The following STXBP5L variants were observed in gnomAD, a reference collection of about 807,000 sequenced individuals.
STXBP5L encodes syntaxin binding protein 5L.
In STXBP5L, 65 loss-of-function variants were observed where a neutral mutation model predicts 144.5. The observed-to-expected ratio is 0.45, with a 90% CI of 0.37 to 0.55. The LOEUF (loss-of-function observed/expected upper bound fraction) is 0.55, where lower values mean the gene tolerates loss of function less well. Among genes scored for constraint, STXBP5L ranks in the 20% least tolerant of loss-of-function variants. The pLI is 0.00. For missense variants in STXBP5L, 1,298 were observed against 1,405.5 expected, an observed-to-expected ratio of 0.92 and a Z score of 1.22; for synonymous variants, 505 against 469.6, an observed-to-expected ratio of 1.08 and a Z score of -0.97.
intron 22 of STXBP5L, among the ~76,000 whole-genome samples, chr3:121,391,862 G>A (rs993102545): frequency 6.6e-6 from 1 of 152,238 alleles, no homozygotes; most frequent in Non-Finnish European, 1.5e-5. Flanking sequence ...ATGGGGTTCA[G>A]GGACCCACTT....
At chr3:121,017,724 T>C (rs1945239833) in intron 3 of STXBP5L, among the ~76,000 whole-genome samples, 1 of 152,144 alleles carries the variant, frequency 6.6e-6, no homozygotes, top group Admixed American at 6.5e-5. Context: ...ACAAAATACA[T>C]GTAAGATCTA....
intron 9 of STXBP5L, among the ~76,000 whole-genome samples, chr3:121,159,974 G>T (rs1385005284): frequency 6.6e-6 from 1 of 152,028 alleles, no homozygotes; most frequent in Admixed American, 6.6e-5. Context: ...TTGAAATTGT[G>T]TTTTTCATTT....
chr3:121,367,595 G>GTTTTTTTT lies in STXBP5L; in HGVS notation c.2177-11101_2177-11094dup, dbSNP rs57288480. Among the ~76,000 whole-genome samples, 23 of 51,360 alleles carry GTTTTTTTT rather than the reference G, an allele frequency of 4.5e-4. 1 individual carries two copies. Among genetic ancestry groups the GTTTTTTTT allele is most frequent in the African/African-American group, 1.7e-3 (22 of 12,802 alleles). The allele number at this position is 51,360 out of a possible 152,430, so 33.7% of individuals were successfully genotyped here. ...GGTTCTCTCTTTGTCTTCGACTCTTGTTTTTTTTTTTTTTTTTTTTTTTTT... is the reference window on the plus strand; with the variant it reads ...GGTTCTCTCTTTGTCTTCGACTCTTGTTTTTTTTTTTTTTTTTTTTTTTTTTTTTTTTT... On this transcript the variant is annotated intron_variant, in intron 20 of 26. Coordinates refer to ENST00000471454, the MANE Select transcript of STXBP5L (RefSeq NM_001308330.2).
At chr3:121,343,973 G>A (rs1375663485) in intron 20 of STXBP5L, among the ~76,000 whole-genome samples, 5 of 152,132 alleles carry the variant, frequency 3.3e-5, no homozygotes, top group African/African-American at 9.7e-5. Flanking sequence ...AAAGCTGGAG[G>A]CATCAAGCTA....
intron 5 of STXBP5L, among the ~76,000 whole-genome samples, chr3:121,113,040 A>G (rs1023496414): frequency 6.6e-5 from 10 of 152,194 alleles, no homozygotes; most frequent in African/African-American, 2.4e-4. Flanking sequence ...GACATTGAAT[A>G]TAAGGTGAAA....
intron 11 of STXBP5L, among the ~76,000 whole-genome samples, chr3:121,231,160 AC>A (rs1247141921): frequency 6.6e-6 from 1 of 152,172 alleles, no homozygotes. Flanking sequence ...TCAAGAGTGT[AC>A]GGCCATTTTG....
chr3:121,180,992 A>G (rs997364894), intron 9 of STXBP5L, among the ~76,000 whole-genome samples: 1 of 151,162 alleles, frequency 6.6e-6, no homozygotes. Context: ...GGAGAAGGAA[A>G]GGAAGAAAGG....
At chr3:121,400,148 A>C (rs904659697) in intron 22 of STXBP5L, among the ~76,000 whole-genome samples, 2 of 152,200 alleles carry the variant, frequency 1.3e-5, no homozygotes, top group African/African-American at 4.8e-5. Flanking sequence ...ATGCTTTGTA[A>C]GTAAAGACCA....
chr3:121,341,561 G>C (rs1282588898), intron 20 of STXBP5L, among the ~76,000 whole-genome samples: 1 of 151,864 alleles, frequency 6.6e-6, no homozygotes, highest in Non-Finnish European at 1.5e-5. Context: ...AGAGATATCT[G>C]CACTCCCATA....
intron 2 of STXBP5L, among the ~76,000 whole-genome samples, chr3:120,944,924 T>TA (rs1710768805): frequency 6.6e-6 from 1 of 151,762 alleles, no homozygotes; most frequent in African/African-American, 2.4e-5. Flanking sequence ...CACATAATCC[T>TA]AAAAAACTCA....
At chr3:121,031,208 G>T (rs556126167) in intron 3 of STXBP5L, among the ~76,000 whole-genome samples, 2 of 152,174 alleles carry the variant, frequency 1.3e-5, no homozygotes, top group Admixed American at 6.6e-5. Context: ...GGCATTATGA[G>T]ATTTTCATTG....
At chr3:120,996,024 G>T (rs919213633) in intron 3 of STXBP5L, among the ~76,000 whole-genome samples, 2 of 151,880 alleles carry the variant, frequency 1.3e-5, no homozygotes, top group Non-Finnish European at 2.9e-5. Context: ...TTTTTTCTGG[G>T]TGTAGAATAC....
chr3:121,060,763 G>A (rs546662535), intron 5 of STXBP5L, among the ~76,000 whole-genome samples: 4 of 152,140 alleles, frequency 2.6e-5, no homozygotes, highest in Non-Finnish European at 5.9e-5. Context: ...TTTCCATAGA[G>A]GTGTTTATAG....
At chr3:120,950,955 A>G (rs1362526817) in intron 2 of STXBP5L, among the ~76,000 whole-genome samples, 1 of 152,120 alleles carries the variant, frequency 6.6e-6, no homozygotes, top group Non-Finnish European at 1.5e-5. Flanking sequence ...ACCAAAACAG[A>G]TATAGATCAA....
In STXBP5L at chr3:121,407,439, C is replaced by A. The variant is rs1167723950; in HGVS notation, c.2784C>A (p.Ile928=). The change falls in exon 23 of 27, where the codon ATC becomes ATA. Residue 928 remains isoleucine (I), a synonymous_variant. Coordinates refer to ENST00000471454, the MANE Select transcript of STXBP5L (RefSeq NM_001308330.2). The stretch of plus-strand genomic sequence containing the variant: ...TAGGAGATCATCAGTATACAATAAT[C>A]TGCTCAGAAAAACAAGCCAAAGTCT... ...QEIGDHQYTI[I]CSEKQAKVFS... 1.2e-6 allele frequency: 2 copies of A among 1,613,330 alleles called. No individual in the cohort carries two copies. Among genetic ancestry groups the A allele is most frequent in the African/African-American group, 2.7e-5 (2 of 75,008 alleles).
intron 5 of STXBP5L, among the ~76,000 whole-genome samples, chr3:121,086,964 T>A (rs2042527446): frequency 6.6e-6 from 1 of 152,082 alleles, no homozygotes; most frequent in East Asian, 1.9e-4. Context: ...GGAAGTGTTT[T>A]TCTTATTTCC....
At chr3:121,308,920 G>T (rs1400914445) in intron 19 of STXBP5L, among the ~76,000 whole-genome samples, 1 of 152,102 alleles carries the variant, frequency 6.6e-6, no homozygotes, top group Non-Finnish European at 1.5e-5. Flanking sequence ...AATTAAGTCA[G>T]TATACATCTG....
chr3:121,129,136 T>A (rs2044855452), intron 7 of STXBP5L, among the ~76,000 whole-genome samples: 1 of 152,024 alleles, frequency 6.6e-6, no homozygotes, highest in Non-Finnish European at 1.5e-5. Context: ...TCACAGTAGA[T>A]CTAGTGGGTA....
chr3:121,199,731 T>C (rs1043543665), intron 9 of STXBP5L, among the ~76,000 whole-genome samples: 2 of 152,170 alleles, frequency 1.3e-5, no homozygotes, highest in Non-Finnish European at 2.9e-5. Flanking sequence ...TCTGCATCTA[T>C]TGAGATAATC....
Sources: gnomAD v4.1 joint callset for allele counts (sites outside exome capture counted in the v4.1 genomes callset) on GRCh38, gnomAD v4.1.1 for gene constraint, MANE v1.5 for transcripts, NCBI Gene and HGNC (gene_info 2026-07-23, HGNC 2026-07-21) for gene names.